HSD17B3: variants seen among roughly 807,000 people sequenced by gnomAD.
HSD17B3 encodes hydroxysteroid 17-beta dehydrogenase 3.
In HSD17B3, 29 loss-of-function variants were observed where a neutral mutation model predicts 41.1. That is an observed-to-expected ratio of 0.71 (90% CI 0.53 to 0.96). HSD17B3 has a LOEUF of 0.96. HSD17B3 is among the 40% of genes least tolerant of loss of function. The pLI is 0.00. For missense variants in HSD17B3, 323 were observed against 374.6 expected (o/e 0.86, Z 1.14); for synonymous variants, 126 against 145.6 (o/e 0.87, Z 0.97).
chr9:96,243,392 T>A (rs1836527980), intron 9 of HSD17B3, among the ~76,000 whole-genome samples: 1 of 152,170 alleles, frequency 6.6e-6, no homozygotes, highest in South Asian at 2.1e-4. Context: ...GAGATGATAT[T>A]ATTGGCCAAA....
At chr9:96,252,079 T>A (rs997136997) in intron 4 of HSD17B3, among the ~76,000 whole-genome samples, 1 of 151,610 alleles carries the variant, frequency 6.6e-6, no homozygotes, top group Non-Finnish European at 1.5e-5. Flanking sequence ...AAATATTATC[T>A]TGTTTTCTGA....
At chr9:96,258,053 C>T (rs1173648420) in intron 2 of HSD17B3, among the ~76,000 whole-genome samples, 1 of 152,160 alleles carries the variant, frequency 6.6e-6, no homozygotes, top group Non-Finnish European at 1.5e-5. Flanking sequence ...ACCCCTTGCC[C>T]ATTCTTCTAT....
At chr9:96,251,131 T>C (rs1282795683) in intron 5 of HSD17B3, 2 of 470,728 alleles carry the variant, frequency 4.2e-6, no homozygotes, top group Non-Finnish European at 7.7e-6. Flanking sequence ...AATTACCCTT[T>C]ATAAAGTAGA....
chr9:96,271,903 G>A (rs1293187551), intron 2 of HSD17B3, among the ~76,000 whole-genome samples: 1 of 151,992 alleles, frequency 6.6e-6, no homozygotes, highest in Non-Finnish European at 1.5e-5. Flanking sequence ...TACAGAGAGG[G>A]GTAAGGTAAA....
At chr9:96,288,361 T>A (rs1227270215) in intron 2 of HSD17B3, among the ~76,000 whole-genome samples, 1 of 152,224 alleles carries the variant, frequency 6.6e-6, no homozygotes, top group Non-Finnish European at 1.5e-5. Context: ...AAGTCAATTA[T>A]ATTCACTCTC....
At chr9:96,291,479 A>G (rs1827155530) in intron 2 of HSD17B3, among the ~76,000 whole-genome samples, 1 of 152,054 alleles carries the variant, frequency 6.6e-6, no homozygotes, top group Non-Finnish European at 1.5e-5. Flanking sequence ...GACCAATATA[A>G]ACCAAAGATT....
chr9:96,253,047 A>G, intron 3 of HSD17B3, 137 bp from the exon 4 acceptor site: 1 of 719,376 alleles, frequency 1.4e-6, no homozygotes, highest in Non-Finnish European at 2.5e-6. Flanking sequence ...AAAATGGGAC[A>G]TGGTTCTGGG....
At chr9:96,281,073 C>T (rs1165772838) in intron 2 of HSD17B3, among the ~76,000 whole-genome samples, 1 of 152,126 alleles carries the variant, frequency 6.6e-6, no homozygotes, top group Non-Finnish European at 1.5e-5. Flanking sequence ...CTTGCTTTCA[C>T]TTTATGGACT....
intron 2 of HSD17B3, among the ~76,000 whole-genome samples, chr9:96,293,595 T>C (rs1282946516): frequency 6.6e-6 from 1 of 151,442 alleles, no homozygotes; most frequent in African/African-American, 2.4e-5. Context: ...CCCCACTCTC[T>C]TTCTCTCCCT....
At chr9:96,249,730 G>A (rs373938644) in intron 6 of HSD17B3, 21 bp downstream of exon 6, 121 of 1,611,212 alleles carry the variant, frequency 7.5e-5, no homozygotes, top group Non-Finnish European at 9.7e-5. Context: ...AATGCATTTC[G>A]CACATATATT....
chr9:96,264,069 A>G (rs1168244258), intron 2 of HSD17B3, among the ~76,000 whole-genome samples: 1 of 152,206 alleles, frequency 6.6e-6, no homozygotes, highest in Non-Finnish European at 1.5e-5. Flanking sequence ...TACAATGTAT[A>G]TATATTTTAA....
At chr9:96,287,400 C>T (rs1385671339) in intron 2 of HSD17B3, among the ~76,000 whole-genome samples, 1 of 152,148 alleles carries the variant, frequency 6.6e-6, no homozygotes, top group Non-Finnish European at 1.5e-5. Flanking sequence ...ATGTGACTGT[C>T]GCCAGCCGAC....
intron 2 of HSD17B3, among the ~76,000 whole-genome samples, chr9:96,272,448 A>T (rs1463252070): frequency 3.1e-4 from 26 of 84,862 alleles, no homozygotes; most frequent in African/African-American, 9.9e-4. Context: ...TATATATATA[A>T]AATATATATG....
intron 10 of HSD17B3, among the ~76,000 whole-genome samples, chr9:96,237,185 G>A (rs1163872458): frequency 6.6e-6 from 1 of 152,178 alleles, no homozygotes; most frequent in African/African-American, 2.4e-5. Flanking sequence ...CCATAGTGAG[G>A]TCAGCCATAA....
At chr9:96,299,378 C>G (rs1243254132) in intron 1 of HSD17B3, among the ~76,000 whole-genome samples, 1 of 152,154 alleles carries the variant, frequency 6.6e-6, no homozygotes, top group Non-Finnish European at 1.5e-5. Flanking sequence ...TTCTAAGAGG[C>G]TCCATGCACA....
At chr9:96,247,715 G>A (rs1052795498) in intron 6 of HSD17B3, among the ~76,000 whole-genome samples, 9 of 152,152 alleles carry the variant, frequency 5.9e-5, no homozygotes, top group East Asian at 1.9e-4. Context: ...GAAGCCTCCC[G>A]AATGAACTCA....
Position 96,272,373 on chromosome 9 carries a change from ATC to A in HSD17B3, c.202-17432_202-17431del, listed in dbSNP as rs373017603. On this transcript the variant is annotated intron_variant, in intron 2 of 10. Transcript: ENST00000375263. ...GCCTGGGCAACAAGAGTAAGACTGC[ATC>A]TCTCTCTCTCTCTCTCTCTCTCTCT... Among the ~76,000 whole-genome samples, 10 of 4,420 alleles carry A rather than the reference ATC, an allele frequency of 2.3e-3. 1 individual carries two copies. The highest frequency in any genetic ancestry group is 0.013 in the South Asian group (1 of 76). The allele number at this position is 4,420 out of a possible 152,430, so 2.9% of individuals were successfully genotyped here.
chr9:96,288,252 G>A (rs1382799858), intron 2 of HSD17B3, among the ~76,000 whole-genome samples: 3 of 152,170 alleles, frequency 2.0e-5, no homozygotes, highest in South Asian at 4.1e-4. Context: ...GTGTACACTT[G>A]GGTGAATTTT....
At chr9:96,246,667 G>A (rs1836678344) in intron 6 of HSD17B3, 77 bp from the exon 7 acceptor site, 1 of 1,281,330 alleles carries the variant, frequency 7.8e-7, no homozygotes, top group Non-Finnish European at 1.1e-6. Flanking sequence ...AACAGGGAAG[G>A]GAGCGCGGGA....
Sources: allele counts gnomAD v4.1 joint callset (sites outside exome capture counted in the v4.1 genomes callset), GRCh38; gene constraint gnomAD v4.1.1; transcripts MANE v1.5; gene names NCBI Gene and HGNC (gene_info 2026-07-23, HGNC 2026-07-21).